The following ZBTB39 variants were observed in gnomAD, a reference collection of about 807,000 sequenced individuals.
The protein encoded by ZBTB39 is zinc finger and BTB domain containing 39.
A neutral mutation model predicts 39.4 loss-of-function variants in ZBTB39; 25 were observed. The observed-to-expected ratio is 0.63, with a 90% CI of 0.46 to 0.89. The LOEUF is 0.89. ZBTB39 is among the 40% of genes least tolerant of loss of function. ZBTB39 has a pLI of 0.00. For synonymous variants in ZBTB39, 373 were observed against 359.6 expected, an observed-to-expected ratio of 1.04 and a Z score of -0.42; for missense variants, 891 against 909.7, an observed-to-expected ratio of 0.98 and a Z score of 0.26.
In ZBTB39 at chr12:57,003,081, T is replaced by G; in HGVS notation, c.1837A>C (p.Arg613=). The change falls in exon 2 of 2, where the codon AGA becomes CGA. Residue 613 remains arginine, a synonymous_variant. Transcript: ENST00000300101. This position sits in a 1 kb window ranked among gnomAD's most constrained non-coding sequence, Gnocchi z 4.8. ...SKYSCKVCGK[R]FAHTSEFNYH... ...TTGAATTCGCTTGTGTGGGCAAATC[T>G]TTTGCCACAGACCTTGCAGCTATAC... The G allele has an allele frequency of 6.2e-7, 1 of 1,614,154 alleles. No homozygotes were observed. The highest frequency in any genetic ancestry group is 8.5e-7 in the Non-Finnish European group (1 of 1,180,032).
In ZBTB39 at chr12:57,003,611, AG is replaced by A; in HGVS notation, c.1306del (p.Leu436CysfsTer16). On this transcript the variant is annotated frameshift_variant, in exon 2 of 2. Transcript: ENST00000300101. LOFTEE classifies it high-confidence loss of function. The surrounding 1 kb of genome is among the most constrained non-coding windows in gnomAD (Gnocchi z 4.8). ...NNIIVHPNDP[L>X]PGKLGLFSGA... is the part of the protein sequence containing the mutation. ...TGAAAAGAGACCCAGCTTCCCTGGC[AG>A]GGGATCGTTGGGGTGGACAATGATG... The A allele has an allele frequency of 6.2e-7, 1 of 1,614,110 alleles. No homozygotes were observed. Among genetic ancestry groups the A allele is most frequent in the Non-Finnish European group, 8.5e-7 (1 of 1,179,916 alleles).
rs775063381 is a variant in ZBTB39 at position 57,003,462 on chromosome 12, C to T, written c.1456G>A (p.Asp486Asn). The T allele has an allele frequency of 1.5e-5, 24 of 1,613,532 alleles. No individual in the cohort carries two copies. Among genetic ancestry groups the T allele is most frequent in the Middle Eastern group, 3.3e-4 (2 of 6,062 alleles). The stretch of plus-strand genomic sequence containing the variant: ...CTGCAGAGGTTAAGGTGACGCTGGT[C>T]GCAGACACTGCAGGCCTGGCCCTTC... ...NLKGQACSVC[D>N]QRHLNLCSLM... The change falls in exon 2 of 2, where the codon GAC becomes AAC. Residue 486 changes from aspartate to asparagine, a missense_variant. Coordinates refer to ENST00000300101, the MANE Select transcript of ZBTB39 (RefSeq NM_014830.3). This position sits in a 1 kb window ranked among gnomAD's most constrained non-coding sequence, Gnocchi z 4.8.
chr12:57,005,307 C>A (rs184383042), intron 1 of ZBTB39, among the ~76,000 whole-genome samples: 9 of 152,344 alleles, frequency 5.9e-5, no homozygotes, highest in African/African-American at 1.7e-4. Context: ...CAAATACAAG[C>A]TTTCCTAATT....
Position 57,003,586 on chromosome 12 carries a change from T to C in ZBTB39, c.1332A>G (p.Ser444=), listed in dbSNP as rs761773165. ...ATTTCAGCTCTGGGGAGGCTGCCCC[T>C]GAAAAGAGACCCAGCTTCCCTGGCA... ...DPLPGKLGLF[S]GAASPELKCA... is the part of the protein sequence containing the mutation. The change falls in exon 2 of 2, where the codon TCA becomes TCG. Residue 444 remains serine, a synonymous_variant. Coordinates refer to ENST00000300101, the MANE Select transcript of ZBTB39 (RefSeq NM_014830.3). This position sits in a 1 kb window ranked among gnomAD's most constrained non-coding sequence, Gnocchi z 4.8. 6.2e-7 allele frequency: 1 copy of C among 1,614,070 alleles called. No homozygotes were observed. The highest frequency in any genetic ancestry group is 8.5e-7 in the Non-Finnish European group (1 of 1,179,920).
Position 57,004,267 on chromosome 12 carries a change from G to A in ZBTB39, c.651C>T (p.Pro217=), listed in dbSNP as rs1182942804. The change falls in exon 2 of 2, where the codon CCC becomes CCT. Residue 217 remains proline, a synonymous_variant. Transcript: ENST00000300101. ...TCATCATGCTAGGAATGGACGTGAA[G>A]GGAGCAGGGGTGTCATGGTCTTCTG... ...PKTEDHDTPA[P]FTSIPSMMTQ... 2.5e-6 allele frequency: 4 copies of A among 1,614,118 alleles called. No homozygotes were observed. In the East Asian group the frequency reaches 8.9e-5, roughly 36 times the overall value.
chr12:57,002,848 G>A lies in ZBTB39; in HGVS notation c.2070C>T (p.Asp690=), dbSNP rs1404162420. Residue 690 remains aspartate (D), a synonymous_variant, in exon 2 of 2, where the codon GAC becomes GAT. Transcript: ENST00000300101. ...ACATGAAGGTCTGCTCGATGGTGAAGTCAGGGGGGAGGCTGCCTTTGTGCA... is the reference window on the plus strand; with the variant it reads ...ACATGAAGGTCTGCTCGATGGTGAAATCAGGGGGGAGGCTGCCTTTGTGCA... ...VGVHKGSLPP[D]FTIEQTFMYI... is the part of the protein sequence containing the mutation. 1.2e-6 allele frequency: 2 copies of A among 1,614,240 alleles called. No homozygotes were observed. The highest frequency in any genetic ancestry group is 3.3e-5 in the Admixed American group (2 of 60,034).
In ZBTB39 at chr12:57,003,251, TG is replaced by T. The variant is rs1305614142; in HGVS notation, c.1666del (p.His556ThrfsTer97). On this transcript the variant is annotated frameshift_variant, in exon 2 of 2. Transcript: ENST00000300101. LOFTEE classifies it high-confidence loss of function. This position sits in a 1 kb window ranked among gnomAD's most constrained non-coding sequence, Gnocchi z 4.8. ...ACTGTTGCATTTGTGCTGGCTGACGTGGTAGCGATAGGCAGCCTCTGACTTG... is the reference window on the plus strand; with the variant it reads ...ACTGTTGCATTTGTGCTGGCTGACGTGTAGCGATAGGCAGCCTCTGACTTG... ...SFKSEAAYRY[H>X]VSQHKCNSGL... The T allele has an allele frequency of 6.2e-7, 1 of 1,614,026 alleles. No homozygotes were observed. The highest frequency in any genetic ancestry group is 1.3e-5 in the African/African-American group (1 of 74,920).
Position 57,004,574 on chromosome 12 carries a change from A to G in ZBTB39, c.344T>C (p.Leu115Pro). ...VAERLGMEDL[L>P]QACHSTFPDL... ...AGGAAAGGTAGAGTGACAGGCCTGGAGGAGGTCCTCCATACCCAGACGCTC... is the reference window on the plus strand; with the variant it reads ...AGGAAAGGTAGAGTGACAGGCCTGGGGGAGGTCCTCCATACCCAGACGCTC... The change falls in exon 2 of 2, where the codon CTC (leucine) becomes CCC (proline). Residue 115 changes from leucine (L) to proline (P), a missense_variant. By Grantham distance (98) the Leu-to-Pro change is moderately conservative. Coordinates refer to ENST00000300101, the MANE Select transcript of ZBTB39 (RefSeq NM_014830.3). The G allele has an allele frequency of 6.2e-7, 1 of 1,614,184 alleles. No homozygotes were observed. The highest frequency in any genetic ancestry group is 8.5e-7 in the Non-Finnish European group (1 of 1,180,028).
In ZBTB39 at chr12:57,002,726, AT is replaced by A; in HGVS notation, c.*52del. 6.5e-7 allele frequency: 1 copy of A among 1,545,704 alleles called. No homozygotes were observed. Among genetic ancestry groups the A allele is most frequent in the Non-Finnish European group, 8.8e-7 (1 of 1,130,836 alleles). Reference sequence around the variant, plus strand: ...GGGGAGGGACCAACACCTCTTAGATATCAGCATCCTGGCTGCTGCTTGGGAG... The same window carrying A: ...GGGGAGGGACCAACACCTCTTAGATACAGCATCCTGGCTGCTGCTTGGGAG... On this transcript the variant is annotated 3_prime_UTR_variant, in exon 2 of 2. Coordinates refer to ENST00000300101, the MANE Select transcript of ZBTB39 (RefSeq NM_014830.3).
chr12:57,005,353 A>G (rs1956238939), intron 1 of ZBTB39, among the ~76,000 whole-genome samples: 1 of 152,232 alleles, frequency 6.6e-6, no homozygotes. Context: ...GATGCCAAAT[A>G]CCATGCACAT....
Position 57,002,549 on chromosome 12 carries a change from C to G in ZBTB39, c.*230G>C, listed in dbSNP as rs186722479. 7 of 553,606 alleles carry G rather than the reference C, an allele frequency of 1.3e-5. No homozygotes were observed. Among genetic ancestry groups the G allele is most frequent in the Non-Finnish European group, 1.6e-5 (5 of 314,574 alleles). The allele number at this position is 553,606 out of a possible 1,614,324, so 34.3% of individuals were successfully genotyped here. On this transcript the variant is annotated 3_prime_UTR_variant, in exon 2 of 2. Coordinates refer to ENST00000300101, the MANE Select transcript of ZBTB39 (RefSeq NM_014830.3). ...AGCCTCAAAAGAATGAAAAACATAGCCCTGCATGGGCAAGAACAGGTATGG... is the reference window on the plus strand; with the variant it reads ...AGCCTCAAAAGAATGAAAAACATAGGCCTGCATGGGCAAGAACAGGTATGG...
Position 57,002,737 on chromosome 12 carries a change from G to A in ZBTB39, c.*42C>T. ...AACACCTCTTAGATATCAGCATCCTGGCTGCTGCTTGGGAGCTCCCCGTGG... is the reference window on the plus strand; with the variant it reads ...AACACCTCTTAGATATCAGCATCCTAGCTGCTGCTTGGGAGCTCCCCGTGG... On this transcript the variant is annotated 3_prime_UTR_variant, in exon 2 of 2. Coordinates refer to ENST00000300101, the MANE Select transcript of ZBTB39 (RefSeq NM_014830.3). 6.4e-7 allele frequency: 1 copy of A among 1,574,112 alleles called. No individual in the cohort carries two copies. Among genetic ancestry groups the A allele is most frequent in the Non-Finnish European group, 8.7e-7 (1 of 1,153,084 alleles).
Position 57,001,379 on chromosome 12 carries a change from G to A in ZBTB39, c.*1400C>T, listed in dbSNP as rs948722754. ...GAATCCCACCAGGGGCAGTGCCAGG[G>A]CTGAGGCCAGGGACTCCCAGAGCTC... On this transcript the variant is annotated 3_prime_UTR_variant, in exon 2 of 2. Transcript: ENST00000300101. 6.5e-6 allele frequency: 1 copy of A among 152,692 alleles called. No individual in the cohort carries two copies. The highest frequency in any genetic ancestry group is 2.4e-5 in the African/African-American group (1 of 41,458). 9.5% of individuals were successfully genotyped at this position (152,692 alleles called of 1,614,324 possible).
At position 57,004,075 on chromosome 12, in the gene ZBTB39, C is replaced by T; in HGVS notation, c.843G>A (p.Glu281=). 6.2e-7 allele frequency: 1 copy of T among 1,614,252 alleles called. No individual in the cohort carries two copies. Among genetic ancestry groups the T allele is most frequent in the East Asian group, 2.2e-5 (1 of 44,890 alleles). ...GCCCAAAGCCAGGATCTTTGGAGTGCTCACTATTGCTCAGACAGGAGTTGG... is the reference window on the plus strand; with the variant it reads ...GCCCAAAGCCAGGATCTTTGGAGTGTTCACTATTGCTCAGACAGGAGTTGG... ...TGTNSCLSNS[E]HSKDPGFGQM... The change falls in exon 2 of 2, where the codon GAG becomes GAA. Residue 281 remains glutamate, a synonymous_variant. Transcript: ENST00000300101.
rs1956232647 is a variant in ZBTB39 at position 57,004,383 on chromosome 12, C to T, written c.535G>A (p.Gly179Arg). 6.2e-7 allele frequency: 1 copy of T among 1,614,084 alleles called. No individual in the cohort carries two copies. Among genetic ancestry groups the T allele is most frequent in the African/African-American group, 1.3e-5 (1 of 74,938 alleles). ...DRNYVLPSDAGGSYKEEEKNV... is the reference protein window; with the variant it reads ...DRNYVLPSDARGSYKEEEKNV... Reference sequence around the variant, plus strand: ...TTCTCTTCCTCTTTATAGCTCCCTCCAGCATCACTGGGCAACACATAGTTT... The same window carrying T: ...TTCTCTTCCTCTTTATAGCTCCCTCTAGCATCACTGGGCAACACATAGTTT... Residue 179 changes from glycine (G) to arginine (R), a missense_variant, in exon 2 of 2, where the codon GGA (glycine) becomes AGA (arginine). Physicochemically the swap from Gly to Arg is moderately radical, Grantham distance 125. Coordinates refer to ENST00000300101, the MANE Select transcript of ZBTB39 (RefSeq NM_014830.3).
intron 1 of ZBTB39, among the ~76,000 whole-genome samples, chr12:57,006,045 G>A (rs754058765): frequency 6.6e-6 from 1 of 152,204 alleles, no homozygotes; most frequent in African/African-American, 2.4e-5. Flanking sequence ...GGGTGGGAGA[G>A]GGGGAAGCTG....
At position 57,001,717 on chromosome 12, in the gene ZBTB39, C is replaced by G. The variant is rs1956211301; in HGVS notation, c.*1062G>C. 8.1e-6 allele frequency: 1 copy of G among 124,066 alleles called. No individual in the cohort carries two copies. Among genetic ancestry groups the G allele is most frequent in the Admixed American group, 8.6e-5 (1 of 11,672 alleles). The allele number at this position is 124,066 out of a possible 1,614,324, so 7.7% of individuals were successfully genotyped here. ...AAGTAAACAGGTTACCCGACTAGGA[C>G]AGACAGTCAGAACGCACACCCTGCT... On this transcript the variant is annotated 3_prime_UTR_variant, in exon 2 of 2. Transcript: ENST00000300101.
Position 57,004,836 on chromosome 12 carries a change from T to A in ZBTB39, c.82A>T (p.Thr28Ser). The change falls in exon 2 of 2, where the codon ACC becomes TCC. Residue 28 changes from threonine (T) to serine (S), a missense_variant. Thr to Ser is a moderately conservative substitution (Grantham distance 58). Coordinates refer to ENST00000300101, the MANE Select transcript of ZBTB39 (RefSeq NM_014830.3). ...ACCACAATGGTGACGTCGCACATGG[T>A]CTCTGAGAGCCGGCACTTGTTGAGT... is the stretch of plus-strand genomic sequence containing the variant. ...KELNKCRLSE[T>S]MCDVTIVVGS... 1 of 1,614,062 alleles carries A rather than the reference T, an allele frequency of 6.2e-7. No homozygotes were observed. Among genetic ancestry groups the A allele is most frequent in the Non-Finnish European group, 8.5e-7 (1 of 1,179,934 alleles).
chr12:56,999,916 C>T lies in ZBTB39; in HGVS notation c.*2863G>A, dbSNP rs1317137089. On this transcript the variant is annotated 3_prime_UTR_variant, in exon 2 of 2. Transcript: ENST00000300101. Reference sequence around the variant, plus strand: ...CAAGAAAATGGGAGAAGAGGATGTTCAAGGCTTAAACAGAACTTCAGAGTA... The same window carrying T: ...CAAGAAAATGGGAGAAGAGGATGTTTAAGGCTTAAACAGAACTTCAGAGTA... 6.6e-6 allele frequency: 1 copy of T among 152,138 alleles called. No homozygotes were observed. Among genetic ancestry groups the T allele is most frequent in the Non-Finnish European group, 1.5e-5 (1 of 68,028 alleles). 9.4% of individuals were successfully genotyped at this position (152,138 alleles called of 1,614,324 possible). A position where few individuals can be genotyped will look rare whatever the true frequency, so the allele number is the denominator to read the frequency against.
Sources: gnomAD v4.1 joint callset for allele counts (sites outside exome capture counted in the v4.1 genomes callset) on GRCh38, gnomAD v4.1.1 for gene constraint, Gnocchi (gnomAD v3.1) non-coding constraint, MANE v1.5 for transcripts, NCBI Gene and HGNC (gene_info 2026-07-23, HGNC 2026-07-21) for gene names.